Variants in USP33 observed in about 807,000 individuals in gnomAD.
The protein encoded by USP33 is ubiquitin carboxyl-terminal hydrolase 33.
Under a neutral mutation model 124.2 loss-of-function variants are expected in USP33, and 46 were observed. The ratio of observed to expected loss-of-function variants is 0.37; its 90% CI spans 0.29 to 0.47. The LOEUF (loss-of-function observed/expected upper bound fraction) is 0.47, where lower values mean the gene tolerates loss of function less well. Ranked by LOEUF, USP33 falls within the 20% of genes least tolerant of loss-of-function variation. USP33 has a pLI of 0.99. For synonymous variants in USP33, 350 were observed against 352.3 expected (o/e 0.99, Z 0.07); for missense variants, 851 against 1,070.6 (o/e 0.79, Z 2.86).
intron 1 of USP33, 101 bp from the exon 2 acceptor site, chr1:77,741,849 G>T: frequency 1.8e-6 from 2 of 1,087,436 alleles, no homozygotes; most frequent in Non-Finnish European, 2.5e-6. Flanking sequence ...TATTAAAAAT[G>T]ATTAAAAGAT....
intron 20 of USP33, 106 bp from the exon 21 acceptor site, chr1:77,711,961 CAAAGT>C: frequency 8.9e-7 from 1 of 1,121,034 alleles, no homozygotes; most frequent in Non-Finnish European, 1.3e-6. Context: ...ATAAAATTCT[CAAAGT>C]AATATAAAAA....
At chr1:77,740,231 A>G (rs1233707294) in intron 4 of USP33, among the ~76,000 whole-genome samples, 1 of 152,210 alleles carries the variant, frequency 6.6e-6, no homozygotes, top group Non-Finnish European at 1.5e-5. Flanking sequence ...GGAAAAGGCA[A>G]TATGACATGA....
chr1:77,715,730 T>C lies in USP33; in HGVS notation c.2045+12A>G. The C allele has an allele frequency of 1.9e-6, 3 of 1,612,336 alleles. No individual in the cohort carries two copies. Among genetic ancestry groups the C allele is most frequent in the Non-Finnish European group, 2.5e-6 (3 of 1,179,466 alleles). On this transcript the variant is annotated intron_variant, in intron 18 of 23. Transcript: ENST00000370794. ...AGAGATGTCCTTTCGCATCTACACT[T>C]ATTTCCATTACCTATAGAAAAGAAC...
chr1:77,731,245 T>A (rs1677771424), intron 7 of USP33, among the ~76,000 whole-genome samples: 4 of 152,236 alleles, frequency 2.6e-5, no homozygotes, highest in Admixed American at 2.6e-4. Context: ...AATTTCAGAT[T>A]TATATGAAAT....
Position 77,696,029 on chromosome 1 carries a change from C to T in USP33, c.*1288G>A, listed in dbSNP as rs1237993939. On this transcript the variant is annotated 3_prime_UTR_variant, in exon 24 of 24. Coordinates refer to ENST00000370794, the MANE Select transcript of USP33 (RefSeq NM_201624.3). The stretch of plus-strand genomic sequence containing the variant: ...ATTTTTATTGAGCTAATTTTAACAA[C>T]ATTGCTTTAGCTGGTGACAGCTGCC... The T allele has an allele frequency of 6.6e-6, 1 of 152,188 alleles. No individual in the cohort carries two copies. Among genetic ancestry groups the T allele is most frequent in the Non-Finnish European group, 1.5e-5 (1 of 68,040 alleles). 9.4% of individuals were successfully genotyped at this position (152,188 alleles called of 1,614,324 possible). A position where few individuals can be genotyped will look rare whatever the true frequency, so the allele number is the denominator to read the frequency against.
intron 1 of USP33, among the ~76,000 whole-genome samples, chr1:77,750,561 G>A (rs1298715532): frequency 6.6e-6 from 1 of 151,452 alleles, no homozygotes; most frequent in Admixed American, 6.6e-5. Flanking sequence ...GGCAAAGGTT[G>A]CAGTGAGCCA....
At chr1:77,733,386 C>A in intron 7 of USP33, among the ~76,000 whole-genome samples, 1 of 146,822 alleles carries the variant, frequency 6.8e-6, no homozygotes. Context: ...GAGTGAGACC[C>A]AGCCTAAAAA....
At chr1:77,723,281 A>T in intron 12 of USP33, 50 bp downstream of exon 12, 1 of 1,343,408 alleles carries the variant, frequency 7.4e-7, no homozygotes, top group South Asian at 1.2e-5. Flanking sequence ...CACATTTTTA[A>T]AAATCATTTG....
intron 19 of USP33, 138 bp downstream of exon 19, chr1:77,714,476 T>C (rs1388868757): frequency 6.1e-6 from 5 of 817,754 alleles, no homozygotes; most frequent in Non-Finnish European, 9.5e-6. Context: ...TGAAACCATA[T>C]GGAATTAAAA....
chr1:77,740,354 C>T (rs1268816041), intron 4 of USP33, among the ~76,000 whole-genome samples: 1 of 143,092 alleles, frequency 7.0e-6, no homozygotes, highest in African/African-American at 2.5e-5. Flanking sequence ...TGGATATACA[C>T]TTTTTTTTTT....
chr1:77,750,764 G>A (rs1680260446), intron 1 of USP33, among the ~76,000 whole-genome samples: 1 of 152,204 alleles, frequency 6.6e-6, no homozygotes, highest in African/African-American at 2.4e-5. Context: ...ATAATACAAT[G>A]CTATCAAAAT....
At chr1:77,713,062 T>C in intron 20 of USP33, 138 bp downstream of exon 20, 1 of 650,308 alleles carries the variant, frequency 1.5e-6, no homozygotes, top group Non-Finnish European at 2.6e-6. Flanking sequence ...AAAGTCTTCC[T>C]ACTCACACTT....
In USP33 at chr1:77,750,663, A is replaced by AGAAAGAAAGAAAGAAAGAAAG. The variant is rs1553201898; in HGVS notation, c.-51-8936_-51-8916dup. 3.4e-3 allele frequency among the ~76,000 whole-genome samples: 504 copies of AGAAAGAAAGAAAGAAAGAAAG among 150,274 alleles called. 3 individuals are homozygous for AGAAAGAAAGAAAGAAAGAAAG. The highest frequency in any genetic ancestry group is 9.6e-3 in the East Asian group (48 of 5,006). Reference sequence around the variant, plus strand: ...AAGAAAGAAAGAAAGAAAGAAAGAAAGAAAGAAAGAAAGAAAGAAAGAAAA... The same window carrying AGAAAGAAAGAAAGAAAGAAAG: ...AAGAAAGAAAGAAAGAAAGAAAGAAAGAAAGAAAGAAAGAAAGAAAGGAAAGAAAGAAAGAAAGAAAGAAAA... On this transcript the variant is annotated intron_variant, in intron 1 of 23. Transcript: ENST00000370794.
At chr1:77,718,893 T>C (rs1676228667) in intron 15 of USP33, among the ~76,000 whole-genome samples, 1 of 135,846 alleles carries the variant, frequency 7.4e-6, no homozygotes, top group South Asian at 2.3e-4. Context: ...CGCACCATTG[T>C]ACTCCAGCCT....
intron 1 of USP33, among the ~76,000 whole-genome samples, chr1:77,751,214 C>T (rs530676596): frequency 6.6e-6 from 1 of 152,306 alleles, no homozygotes; most frequent in Admixed American, 6.5e-5. Flanking sequence ...ATCTGCCACA[C>T]TAACTGGACT....
At chr1:77,741,594 G>A in intron 2 of USP33, 23 bp downstream of exon 2, 2 of 1,565,642 alleles carry the variant, frequency 1.3e-6, no homozygotes, top group Non-Finnish European at 1.7e-6. Context: ...AGTTTTTCAA[G>A]GAAGAAAAAA....
At chr1:77,726,311 C>G (rs540986789) in intron 10 of USP33, among the ~76,000 whole-genome samples, 2 of 149,612 alleles carry the variant, frequency 1.3e-5, no homozygotes, top group Non-Finnish European at 3.0e-5. Context: ...AGTGGAAATA[C>G]AAAGCCAAAG....
Position 77,711,873 on chromosome 1 carries a change from T to C in USP33, c.2298-18A>G, listed in dbSNP as rs764890529. ...CACCATACCTAAAGCATGAAAAATT[T>C]AAGAATTAATGTTCTAGGAAGTTTG... is the stretch of plus-strand genomic sequence containing the variant. On this transcript the variant is annotated intron_variant, in intron 20 of 23. Coordinates refer to ENST00000370794, the MANE Select transcript of USP33 (RefSeq NM_201624.3). The C allele has an allele frequency of 2.5e-6, 4 of 1,583,334 alleles. No individual in the cohort carries two copies. The Admixed American group carries it at 7.9e-5, about 31-fold the overall frequency.
At chr1:77,730,543 G>C in intron 8 of USP33, 75 bp downstream of exon 8, 1 of 1,126,388 alleles carries the variant, frequency 8.9e-7, no homozygotes, top group Non-Finnish European at 1.2e-6. Flanking sequence ...TCCATAAATG[G>C]ACCTGCAACC....
Sources: gnomAD v4.1 joint callset for allele counts (sites outside exome capture counted in the v4.1 genomes callset) on GRCh38, gnomAD v4.1.1 for gene constraint, MANE v1.5 for transcripts, NCBI Gene and HGNC (gene_info 2026-07-23, HGNC 2026-07-21) for gene names.